KIFAP3: variants seen among roughly 807,000 people sequenced by gnomAD.
KIFAP3 encodes kinesin associated protein 3.
In KIFAP3, 68 loss-of-function variants were observed where a neutral mutation model predicts 106.5. That is an observed-to-expected ratio of 0.64 (90% CI 0.53 to 0.78). The LOEUF is 0.78. Among genes scored for constraint, KIFAP3 ranks in the 30% least tolerant of loss-of-function variants. The pLI, the probability that KIFAP3 is intolerant of heterozygous loss-of-function variation, is 0.00. For missense variants in KIFAP3, 780 were observed against 941.8 expected (o/e 0.83, Z 2.25); for synonymous variants, 320 against 311.5 (o/e 1.03, Z -0.29).
At chr1:170,044,861 C>G (rs1300886467) in intron 3 of KIFAP3, among the ~76,000 whole-genome samples, 1 of 152,168 alleles carries the variant, frequency 6.6e-6, no homozygotes, top group Admixed American at 6.5e-5. Flanking sequence ...GTTTGGAAGT[C>G]TGCTACTCTG....
intron 17 of KIFAP3, among the ~76,000 whole-genome samples, chr1:169,963,566 C>G (rs1315691786): frequency 6.6e-6 from 1 of 152,120 alleles, no homozygotes; most frequent in Non-Finnish European, 1.5e-5. Context: ...GATCTCAGCT[C>G]ACTGAAACCT....
chr1:169,984,548 G>A (rs765551960), intron 12 of KIFAP3, 34 bp downstream of exon 12: 2 of 978,680 alleles, frequency 2.0e-6, no homozygotes, highest in East Asian at 4.9e-5. Context: ...AATACCATAT[G>A]CTAAAAAAGT....
chr1:169,957,221 CA>C (rs1665062113), intron 18 of KIFAP3, among the ~76,000 whole-genome samples: 1 of 152,022 alleles, frequency 6.6e-6, no homozygotes, highest in African/African-American at 2.4e-5. Flanking sequence ...AAGATATTAA[CA>C]AGGAACTAAA....
chr1:170,049,819 C>CCCCA (rs896734033), intron 2 of KIFAP3, among the ~76,000 whole-genome samples: 5 of 150,552 alleles, frequency 3.3e-5, no homozygotes, highest in African/African-American at 1.2e-4. Flanking sequence ...CACCCCCCCC[C>CCCCA]AAAAAAAACC....
intron 10 of KIFAP3, among the ~76,000 whole-genome samples, chr1:170,003,779 A>T (rs1473478983): frequency 1.3e-5 from 2 of 152,246 alleles, no homozygotes; most frequent in Non-Finnish European, 2.9e-5. Context: ...AACTGGAAGC[A>T]TTCCCTTTGA....
intron 19 of KIFAP3, among the ~76,000 whole-genome samples, chr1:169,941,622 T>C (rs959648119): frequency 6.6e-6 from 1 of 152,096 alleles, no homozygotes; most frequent in African/African-American, 2.4e-5. Flanking sequence ...TAAAATTTCA[T>C]ATTTCCATAT....
At chr1:169,936,301 T>C (rs1663795923) in intron 19 of KIFAP3, among the ~76,000 whole-genome samples, 1 of 151,752 alleles carries the variant, frequency 6.6e-6, no homozygotes, top group African/African-American at 2.4e-5. Context: ...AAAATCAACA[T>C]TTATATAAAG....
intron 16 of KIFAP3, among the ~76,000 whole-genome samples, chr1:169,973,700 T>A (rs1404180009): frequency 6.6e-6 from 1 of 151,796 alleles, no homozygotes; most frequent in Non-Finnish European, 1.5e-5. Context: ...CATCTTCGAA[T>A]TGCTGGGGGA....
intron 3 of KIFAP3, chr1:170,041,940 T>C: frequency 8.8e-7 from 1 of 1,130,590 alleles, no homozygotes; most frequent in Non-Finnish European, 1.2e-6. Context: ...GTTTCAGTTA[T>C]GAAACCTGGT....
At chr1:170,030,014 A>G (rs574933167) in intron 8 of KIFAP3, among the ~76,000 whole-genome samples, 2 of 152,108 alleles carry the variant, frequency 1.3e-5, no homozygotes, top group East Asian at 3.9e-4. Flanking sequence ...CTCTGAGACT[A>G]TACAACTTCT....
chr1:169,944,715 C>A (rs550440032), intron 19 of KIFAP3, among the ~76,000 whole-genome samples: 2 of 152,202 alleles, frequency 1.3e-5, no homozygotes, highest in South Asian at 4.2e-4. Context: ...CTGCAGGCGG[C>A]CTGATGAGTG....
chr1:169,995,144 A>C (rs1311916058), intron 10 of KIFAP3, among the ~76,000 whole-genome samples: 1 of 152,056 alleles, frequency 6.6e-6, no homozygotes, highest in Non-Finnish European at 1.5e-5. Context: ...AACAGACCAC[A>C]TTTTTATACT....
chr1:169,990,618 TTAA>T (rs1181304705), intron 11 of KIFAP3, among the ~76,000 whole-genome samples: 1 of 152,048 alleles, frequency 6.6e-6, no homozygotes, highest in Non-Finnish European at 1.5e-5. Flanking sequence ...GGAAGGTAGT[TTAA>T]TAAAGAGTAA....
chr1:170,026,762 C>T (rs1669127078), intron 8 of KIFAP3, among the ~76,000 whole-genome samples: 1 of 152,102 alleles, frequency 6.6e-6, no homozygotes, highest in Non-Finnish European at 1.5e-5. Context: ...CCTGCTTCTA[C>T]CAACCATACT....
intron 10 of KIFAP3, among the ~76,000 whole-genome samples, chr1:170,006,213 C>T (rs2101974696): frequency 6.6e-6 from 1 of 152,282 alleles, no homozygotes; most frequent in South Asian, 2.1e-4. Flanking sequence ...AGCTCAGCTC[C>T]TTTGATGTTC....
intron 1 of KIFAP3, among the ~76,000 whole-genome samples, chr1:170,072,474 T>G (rs924871191): frequency 6.6e-6 from 1 of 152,100 alleles, no homozygotes; most frequent in Non-Finnish European, 1.5e-5. Flanking sequence ...CTGGAAAAAG[T>G]GGTATTTATG....
In KIFAP3 at chr1:169,982,767, A is replaced by C; in HGVS notation, c.1607T>G (p.Leu536Ter). 1 of 1,610,208 alleles carries C rather than the reference A, an allele frequency of 6.2e-7. No individual in the cohort carries two copies. Among genetic ancestry groups the C allele is most frequent in the Non-Finnish European group, 8.5e-7 (1 of 1,177,402 alleles). ...TTCTTTAAGAACCAATTCCCAGTCT[A>C]AGTCTGGAATGGTCAAGTTTGCAAG... ...GTLANLTIPD[L>*]DWELVLKEYK... is the part of the protein sequence containing the mutation. Residue 536 changes from leucine (L) to a stop codon, truncating the protein, a stop_gained, in exon 14 of 20, where the codon TTA (leucine) becomes TGA (stop). Transcript: ENST00000361580. LOFTEE classifies it high-confidence loss of function.
intron 18 of KIFAP3, chr1:169,958,388 G>C (rs552656964): frequency 1.1e-4 from 17 of 152,110 alleles, no homozygotes; most frequent in African/African-American, 3.9e-4. Context: ...CACCATGCCC[G>C]ACCTCTTTTT....
intron 11 of KIFAP3, among the ~76,000 whole-genome samples, chr1:169,987,987 C>T (rs186554874): frequency 6.6e-6 from 1 of 151,984 alleles, no homozygotes; most frequent in African/African-American, 2.4e-5. Flanking sequence ...CCCACTGAGA[C>T]CATTAAGATC....
Sources: allele counts gnomAD v4.1 joint callset (sites outside exome capture counted in the v4.1 genomes callset), GRCh38; gene constraint gnomAD v4.1.1; transcripts MANE v1.5; gene names NCBI Gene and HGNC (gene_info 2026-07-23, HGNC 2026-07-21).